The following ERAP2 variants were observed in gnomAD, a reference collection of about 807,000 sequenced individuals.
The protein encoded by ERAP2 is endoplasmic reticulum aminopeptidase 2.
In ERAP2, 118 loss-of-function variants were observed where a neutral mutation model predicts 111.1. The ratio of observed to expected loss-of-function variants is 1.06; its 90% CI spans 0.92 to 1.24. The LOEUF (loss-of-function observed/expected upper bound fraction) is 1.24, where lower values mean the gene tolerates loss of function less well. Among genes scored for constraint, ERAP2 ranks in the 50% most tolerant of loss-of-function variants. The pLI, the probability that ERAP2 is intolerant of heterozygous loss-of-function variation, is 0.00. For synonymous variants in ERAP2, 410 were observed against 401.2 expected, an observed-to-expected ratio of 1.02 and a Z score of -0.26; for missense variants, 1,131 against 1,125.8, an observed-to-expected ratio of 1.00 and a Z score of -0.07.
At chr5:96,887,825 C>T (rs1472706665) in intron 4 of ERAP2, among the ~76,000 whole-genome samples, 1 of 152,092 alleles carries the variant, frequency 6.6e-6, no homozygotes, top group Non-Finnish European at 1.5e-5. Context: ...TAAAATAATG[C>T]TTTTGAAAAA....
chr5:96,912,719 G>A lies in ERAP2; in HGVS notation c.2437G>A (p.Glu813Lys), dbSNP rs1316183926. The change falls in exon 16 of 19, where the codon GAA becomes AAA. Residue 813 changes from glutamate (E) to lysine (K), a missense_variant. By Grantham distance (56) the Glu-to-Lys change is moderately conservative. Transcript: ENST00000437043. The part of the protein sequence containing the change: ...AGWNYLLEQY[E>K]LSMSSAEQNK... ...ATGGAATTACCTTTTAGAGCAATAT[G>A]AACTGTCAATGTCAAGTGCTGAACA... 2.5e-6 allele frequency: 4 copies of A among 1,604,638 alleles called. No homozygotes were observed. The highest frequency in any genetic ancestry group is 3.4e-6 in the Non-Finnish European group (4 of 1,177,376).
At position 96,901,704 on chromosome 5, in the gene ERAP2, T is replaced by C. The variant is rs771306763; in HGVS notation, c.1748+23T>C. On this transcript the variant is annotated intron_variant, in intron 11 of 18. Coordinates refer to ENST00000437043, the MANE Select transcript of ERAP2 (RefSeq NM_022350.5). ...GAGGTGGCTGCTTTTCTTCTTTAGGTCTAGCTTACCTCATCTCAGTTTCCT... is the reference window on the plus strand; with the variant it reads ...GAGGTGGCTGCTTTTCTTCTTTAGGCCTAGCTTACCTCATCTCAGTTTCCT... 3.1e-6 allele frequency: 5 copies of C among 1,608,978 alleles called. No individual in the cohort carries two copies. In the Admixed American group the frequency reaches 6.8e-5, roughly 22 times the overall value.
At position 96,917,608 on chromosome 5, in the gene ERAP2, G is replaced by T. The variant is rs914236806; in HGVS notation, c.*3G>T. 4 of 1,608,156 alleles carry T rather than the reference G, an allele frequency of 2.5e-6. No individual in the cohort carries two copies. In the African/African-American group the frequency reaches 4.0e-5, roughly 16 times the overall value. On this transcript the variant is annotated 3_prime_UTR_variant, in exon 19 of 19. Transcript: ENST00000437043. The stretch of plus-strand genomic sequence containing the variant: ...CTTGGCTAATGGTTAATACTTAAAT[G>T]GTCAATAGAAAAAGTAGGCTGGGCG...
intron 15 of ERAP2, 70 bp downstream of exon 15, chr5:96,909,834 C>T (rs547158016): frequency 6.7e-7 from 1 of 1,485,562 alleles, no homozygotes; most frequent in South Asian, 1.2e-5. Context: ...TCAAGCAAGA[C>T]ATTAGGTCTA....
At chr5:96,900,248 G>T in intron 10 of ERAP2, 59 bp downstream of exon 10, 1 of 1,606,514 alleles carries the variant, frequency 6.2e-7, no homozygotes. Flanking sequence ...GACCTAGAGT[G>T]AGTATGACAT....
At position 96,879,783 on chromosome 5, in the gene ERAP2, G is replaced by A. The variant is rs1782944460; in HGVS notation, c.98G>A (p.Cys33Tyr). The A allele has an allele frequency of 6.2e-7, 1 of 1,614,036 alleles. No individual in the cohort carries two copies. The highest frequency in any genetic ancestry group is 1.3e-5 in the African/African-American group (1 of 74,910). ...YCLTAILPQICICSQFSVPSS... is the reference protein window; with the variant it reads ...YCLTAILPQIYICSQFSVPSS... ...TTAACAGCCATCTTGCCCCAAATATGCATTTGTTCTCAGTTCTCAGTGCCA... is the reference window on the plus strand; with the variant it reads ...TTAACAGCCATCTTGCCCCAAATATACATTTGTTCTCAGTTCTCAGTGCCA... Residue 33 changes from cysteine to tyrosine, a missense_variant, in exon 2 of 19, where the codon TGC becomes TAC. Physicochemically the swap from Cys to Tyr is radical, Grantham distance 194 (BLOSUM62 -2). Around this residue, in one of 3 missense-constraint regions of ERAP2, gnomAD observed 847 missense variants for 856.5 expected, o/e 0.99. Transcript: ENST00000437043.
chr5:96,891,349 ATG>A (rs770174720), intron 5 of ERAP2, among the ~76,000 whole-genome samples: 1 of 123,880 alleles, frequency 8.1e-6, no homozygotes, highest in East Asian at 2.4e-4. Context: ...GTATATGTAT[ATG>A]TGTGTGTATA....
In ERAP2 at chr5:96,912,794, C is replaced by T. The variant is rs751987750; in HGVS notation, c.2512C>T (p.Leu838=). The T allele has an allele frequency of 1.3e-6, 2 of 1,594,324 alleles. No homozygotes were observed. Among genetic ancestry groups the T allele is most frequent in the Admixed American group, 3.7e-5 (2 of 54,276 alleles). ...LSTSKHQEKL[L]KLIELGMEGK... ...AACGAGCAAGCATCAGGAAAAGTTA[C>T]TGAAGTAAGTTCAATAATTTAACTA... Residue 838 remains leucine, a synonymous_variant, in exon 16 of 19, where the codon CTG becomes TTG. Transcript: ENST00000437043.
intron 6 of ERAP2, among the ~76,000 whole-genome samples, chr5:96,893,939 A>G (rs1784622709): frequency 6.6e-6 from 1 of 152,178 alleles, no homozygotes; most frequent in African/African-American, 2.4e-5. Flanking sequence ...CTACTACCTG[A>G]TATTCAGCAT....
rs889442969 is a variant in ERAP2 at position 96,896,645 on chromosome 5, T to C, written c.1372-87T>C. 29 of 1,456,896 alleles carry C rather than the reference T, an allele frequency of 2.0e-5. 1 individual carries two copies. In the African/African-American group the frequency reaches 2.9e-4, roughly 14 times the overall value. The allele number at this position is 1,456,896 out of a possible 1,614,324, so 90.2% of individuals were successfully genotyped here. ...GTTCACTTTTCAGACATCACACATG[T>C]TCCGTAAAATTTAAGCTTCCTTTAA... On this transcript the variant is annotated intron_variant, in intron 8 of 18. Transcript: ENST00000437043.
chr5:96,884,019 G>T, intron 3 of ERAP2, 89 bp downstream of exon 3: 1 of 1,270,630 alleles, frequency 7.9e-7, no homozygotes, highest in Non-Finnish European at 1.1e-6. Flanking sequence ...CAGGATTTCA[G>T]CCATTAATTT....
intron 9 of ERAP2, among the ~76,000 whole-genome samples, chr5:96,897,600 G>T (rs1785000596): frequency 6.6e-6 from 1 of 152,020 alleles, no homozygotes. Flanking sequence ...TGATTAATAA[G>T]CAGTTAATGA....
intron 5 of ERAP2, chr5:96,889,594 G>T: frequency 1.5e-6 from 1 of 667,862 alleles, no homozygotes; most frequent in Non-Finnish European, 2.7e-6. Flanking sequence ...TGGAGGCTGG[G>T]ACGGAAGCCA....
chr5:96,899,342 C>A (rs1190152235), intron 9 of ERAP2, among the ~76,000 whole-genome samples: 2 of 152,166 alleles, frequency 1.3e-5, no homozygotes, highest in Non-Finnish European at 2.9e-5. Context: ...TCTCTTCTGA[C>A]ACCAAAGGGC....
chr5:96,917,021 C>G (rs1221008810), intron 18 of ERAP2, among the ~76,000 whole-genome samples: 1 of 152,068 alleles, frequency 6.6e-6, no homozygotes, highest in Non-Finnish European at 1.5e-5. Context: ...TAGAAAATAA[C>G]CTTTTAGAGG....
intron 16 of ERAP2, among the ~76,000 whole-genome samples, 149 bp from the exon 17 acceptor site, chr5:96,913,162 AAAAAGT>A (rs1166814019): frequency 6.6e-6 from 1 of 152,250 alleles, no homozygotes; most frequent in Non-Finnish European, 1.5e-5. Flanking sequence ...ATTATTTCTA[AAAAAGT>A]AAAAGTTTAA....
At chr5:96,905,927 A>AT (rs911583359) in intron 13 of ERAP2, among the ~76,000 whole-genome samples, 11 of 143,866 alleles carry the variant, frequency 7.6e-5, no homozygotes, top group African/African-American at 1.5e-4. Context: ...TGGAGAGATA[A>AT]TTTTTTTTTC....
chr5:96,879,383 GGGT>G (rs1782908133), intron 1 of ERAP2, among the ~76,000 whole-genome samples, 178 bp from the exon 2 acceptor site: 1 of 152,134 alleles, frequency 6.6e-6, no homozygotes, highest in Non-Finnish European at 1.5e-5. Context: ...GAGTCCTAAA[GGGT>G]TTTTATTTGT....
chr5:96,909,913 T>G (rs2548526), intron 15 of ERAP2, 149 bp downstream of exon 15: 1 of 695,698 alleles, frequency 1.4e-6, no homozygotes, highest in Non-Finnish European at 2.4e-6. Context: ...GCTCTCACAT[T>G]GTAAGTGCTA....
Sources: allele counts gnomAD v4.1 joint callset (sites outside exome capture counted in the v4.1 genomes callset), GRCh38; gene constraint gnomAD v4.1.1; regional missense constraint gnomAD v4.1.1; transcripts MANE v1.5; gene names NCBI Gene and HGNC (gene_info 2026-07-23, HGNC 2026-07-21).